The following LPP variants were observed in gnomAD, a reference collection of about 807,000 sequenced individuals.
LPP encodes lipoma-preferred partner.
A neutral mutation model predicts 60.4 loss-of-function variants in LPP; 38 were observed. That is an observed-to-expected ratio of 0.63 (90% confidence interval 0.49 to 0.83). The LOEUF is 0.83. Among genes scored for constraint, LPP ranks in the 40% least tolerant of loss-of-function variants. The pLI, the probability that LPP is intolerant of heterozygous loss-of-function variation, is 0.00. For synonymous variants in LPP, 328 were observed against 290.8 expected (o/e 1.13, Z -1.30); for missense variants, 902 against 783.6 (o/e 1.15, Z -1.80).
In LPP at chr3:188,572,245, CCATT is replaced by C. The variant is rs1833700616; in HGVS notation, c.430-36915_430-36912del. On this transcript the variant is annotated intron_variant, in intron 6 of 11. Transcript: ENST00000617246. The surrounding 1 kb of genome is among the most constrained non-coding windows in gnomAD (Gnocchi z 4.1). ...TAAAAAAACTATGGATAATTTTAAG[CCATT>C]TATTTCAACAAACATGTAATATATA... 6.6e-6 allele frequency among the ~76,000 whole-genome samples: 1 copy of C among 151,878 alleles called. No individual in the cohort carries two copies. Among genetic ancestry groups the C allele is most frequent in the Non-Finnish European group, 1.5e-5 (1 of 67,966 alleles).
intron 4 of LPP, among the ~76,000 whole-genome samples, chr3:188,441,609 CTTTTTTTT>C (rs1004222826): frequency 0.011 from 633 of 55,464 alleles, 7 homozygotes; most frequent in African/African-American, 0.043. Context: ...CTTTTCTTTT[CTTTTTTTT>C]TTTTTTTTTT....
chr3:188,681,978 G>A (rs1859636220), intron 7 of LPP, among the ~76,000 whole-genome samples: 1 of 152,184 alleles, frequency 6.6e-6, no homozygotes, highest in South Asian at 2.1e-4. Flanking sequence ...ACCTTTCAAG[G>A]AGGAAGAACC....
At chr3:188,843,701 G>T (rs1448796192) in intron 9 of LPP, among the ~76,000 whole-genome samples, 1 of 150,092 alleles carries the variant, frequency 6.7e-6, no homozygotes, top group Non-Finnish European at 1.5e-5. Flanking sequence ...GCAGGAGAAT[G>T]GCGTGAACCC....
chr3:188,667,217 G>A (rs1320414110), intron 7 of LPP, among the ~76,000 whole-genome samples: 3 of 152,146 alleles, frequency 2.0e-5, no homozygotes, highest in Non-Finnish European at 2.9e-5. Context: ...AATGGCTCAC[G>A]CCTGTAATCC....
intron 6 of LPP, among the ~76,000 whole-genome samples, chr3:188,582,732 C>A (rs1836535511): frequency 6.6e-6 from 1 of 152,188 alleles, no homozygotes; most frequent in African/African-American, 2.4e-5. Context: ...ATAAACTCAT[C>A]CACTTCTCTC....
At chr3:188,828,836 G>A (rs748531610) in intron 9 of LPP, among the ~76,000 whole-genome samples, 17 of 151,880 alleles carry the variant, frequency 1.1e-4, no homozygotes, top group African/African-American at 3.4e-4. Flanking sequence ...TGATTGTCAC[G>A]TTTGTTATTT....
chr3:188,341,106 T>C (rs1021047007), intron 2 of LPP, among the ~76,000 whole-genome samples: 2 of 152,236 alleles, frequency 1.3e-5, no homozygotes, highest in African/African-American at 4.8e-5. Context: ...TATGTACTTT[T>C]CCCATTTCCT....
At chr3:188,757,450 G>GT (rs1355726929) in intron 8 of LPP, among the ~76,000 whole-genome samples, 1 of 152,166 alleles carries the variant, frequency 6.6e-6, no homozygotes, top group Non-Finnish European at 1.5e-5. Context: ...GTAGGCTCAG[G>GT]TTCTTGGATT....
intron 3 of LPP, among the ~76,000 whole-genome samples, chr3:188,388,074 T>C (rs1463733442): frequency 7.1e-6 from 1 of 139,924 alleles, no homozygotes; most frequent in Non-Finnish European, 1.7e-5. Context: ...TTTCCAGTTA[T>C]TTTTTTTTAT....
intron 9 of LPP, among the ~76,000 whole-genome samples, chr3:188,795,416 G>A (rs1224553351): frequency 6.6e-6 from 1 of 152,092 alleles, no homozygotes; most frequent in African/African-American, 2.4e-5. Flanking sequence ...CCATCCAGTG[G>A]TTCCACCAGT....
intron 2 of LPP, among the ~76,000 whole-genome samples, chr3:188,245,968 T>C (rs965524988): frequency 1.3e-5 from 2 of 152,252 alleles, no homozygotes; most frequent in Non-Finnish European, 2.9e-5. Context: ...TGACTGTAAT[T>C]GTTGAAATGT....
intron 2 of LPP, among the ~76,000 whole-genome samples, chr3:188,259,908 T>C (rs2149673452): frequency 6.6e-6 from 1 of 152,142 alleles, no homozygotes; most frequent in African/African-American, 2.4e-5. Context: ...GTTGTTTACA[T>C]GTCTTTAAAT....
rs142541685 is a variant in LPP, at chr3:188,620,076, A to G, written c.1113+10232A>G. Among the ~76,000 whole-genome samples the G allele has an allele frequency of 6.4e-3, 971 of 152,160 alleles. 6 individuals carry two copies. The highest frequency in any genetic ancestry group is 0.022 in the African/African-American group (917 of 41,532). The stretch of plus-strand genomic sequence containing the variant: ...AGCATTTTTTCATTCATTTACTAAA[A>G]TATGCACTAAAATATGCACCTCATT... On this transcript the variant is annotated intron_variant, in intron 7 of 11. Transcript: ENST00000617246.
intron 6 of LPP, among the ~76,000 whole-genome samples, chr3:188,596,633 A>C (rs1041986899): frequency 9.2e-5 from 14 of 152,184 alleles, no homozygotes; most frequent in Non-Finnish European, 7.3e-5. Context: ...AAAACTGAGC[A>C]AACATCTAGT....
In LPP at chr3:188,506,449, T is replaced by G. The variant is rs569273957; in HGVS notation, c.307-18216T>G. The stretch of plus-strand genomic sequence containing the variant: ...CCCTTTTGTGGGGTAATGTAATCAT[T>G]GCATGTACATTAATCTTGCCACCAA... On this transcript the variant is annotated intron_variant, in intron 5 of 11. Coordinates refer to ENST00000617246, the MANE Select transcript of LPP (RefSeq NM_001375462.1). Among the ~76,000 whole-genome samples the G allele has an allele frequency of 2.0e-5, 3 of 152,328 alleles. No homozygotes were observed. The East Asian group carries it at 5.8e-4, about 29-fold the overall frequency.
In LPP at chr3:188,207,804, C is replaced by T. The variant is rs113246253; in HGVS notation, c.-189-17601C>T. On this transcript the variant is annotated intron_variant, in intron 1 of 11. Coordinates refer to ENST00000617246, the MANE Select transcript of LPP (RefSeq NM_001375462.1). ...CCCTTTGTTCCTTCATCTGTGCCCC[C>T]CTGCTCCATCCTCTTTTAATTCCTA... Among the ~76,000 whole-genome samples, 237 of 152,148 alleles carry T rather than the reference C, an allele frequency of 1.6e-3. 1 individual carries two copies. The highest frequency in any genetic ancestry group is 5.2e-3 in the African/African-American group (214 of 41,514).
At chr3:188,772,344 A>G (rs985016690) in intron 9 of LPP, among the ~76,000 whole-genome samples, 1 of 152,166 alleles carries the variant, frequency 6.6e-6, no homozygotes, top group Non-Finnish European at 1.5e-5. Flanking sequence ...ATTTCTGAAC[A>G]TGCAAGGTTT....
At chr3:188,737,980 A>G (rs1473201757) in intron 8 of LPP, among the ~76,000 whole-genome samples, 2 of 152,148 alleles carry the variant, frequency 1.3e-5, no homozygotes, top group South Asian at 2.1e-4. Context: ...TGCATTCCAG[A>G]CATATATTGA....
At chr3:188,649,068 A>G (rs1248925502) in intron 7 of LPP, among the ~76,000 whole-genome samples, 1 of 152,186 alleles carries the variant, frequency 6.6e-6, no homozygotes, top group Non-Finnish European at 1.5e-5. Context: ...CGTCATTGTC[A>G]TTTTCAGTTT....
Sources: gnomAD v4.1 joint callset for allele counts (sites outside exome capture counted in the v4.1 genomes callset) on GRCh38, gnomAD v4.1.1 for gene constraint, Gnocchi (gnomAD v3.1) non-coding constraint, MANE v1.5 for transcripts, NCBI Gene and HGNC (gene_info 2026-07-23, HGNC 2026-07-21) for gene names.